The following ARHGAP35 variants were observed in gnomAD, a reference collection of about 807,000 sequenced individuals.
ARHGAP35 encodes rho GTPase-activating protein 35.
A neutral mutation model predicts 111.1 loss-of-function variants in ARHGAP35; 15 were observed. The ratio of observed to expected loss-of-function variants is 0.13; its 90% CI spans 0.09 to 0.21. ARHGAP35 has a LOEUF of 0.21. Among genes scored for constraint, ARHGAP35 ranks in the 10% least tolerant of loss-of-function variants. The probability of loss-of-function intolerance (pLI) is 1.00; values close to 1 mark genes in which losing one functional copy is unlikely to be tolerated. For missense variants in ARHGAP35, 1,262 were observed against 1,873.0 expected (o/e 0.67, Z 6.02); for synonymous variants, 643 against 710.3 (o/e 0.91, Z 1.51).
chr19:46,891,761 TTG>T (rs2056025121), intron 1 of ARHGAP35, among the ~76,000 whole-genome samples: 1 of 152,112 alleles, frequency 6.6e-6, no homozygotes, highest in Non-Finnish European at 1.5e-5. Flanking sequence ...CCTGAATTTT[TTG>T]TGTAAGTCCA....
Position 46,922,189 on chromosome 19 carries a change from C to T in ARHGAP35, c.3514C>T (p.Arg1172Trp), listed in dbSNP as rs376578973. Residue 1172 changes from arginine to tryptophan, a missense_variant, in exon 2 of 7, where the codon CGG becomes TGG. Arg to Trp is a moderately radical substitution (Grantham distance 101). Around this residue, in one of 8 missense-constraint regions of ARHGAP35, gnomAD observed 579 missense variants for 716.9 expected, o/e 0.81. Transcript: ENST00000672722. This position sits in a 1 kb window ranked among gnomAD's most constrained non-coding sequence, Gnocchi z 4.0. The part of the protein sequence containing the change: ...CTRLGRFASY[R>W]TSFSVGSDDE... ...CCGGCTGGGGCGGTTTGCTAGTTAC[C>T]GGACCAGCTTCAGCGTGGGGAGTGA... 8.7e-6 allele frequency: 14 copies of T among 1,613,816 alleles called. No individual in the cohort carries two copies. In the African/African-American group the frequency reaches 9.3e-5, roughly 11 times the overall value.
At chr19:46,959,508 T>TTGTG (rs1381298630) in intron 3 of ARHGAP35, among the ~76,000 whole-genome samples, 1 of 152,000 alleles carries the variant, frequency 6.6e-6, no homozygotes, top group Admixed American at 6.5e-5. Flanking sequence ...CAAGCAATTC[T>TTGTG]CCTCCTTCAG....
At chr19:46,862,016 TC>T (rs1252720185) in intron 1 of ARHGAP35, among the ~76,000 whole-genome samples, 1 of 152,168 alleles carries the variant, frequency 6.6e-6, no homozygotes, top group Non-Finnish European at 1.5e-5. Flanking sequence ...ATTCCCCTGA[TC>T]CCCTCGGACT....
At chr19:46,958,730 C>G (rs1325421172) in intron 3 of ARHGAP35, among the ~76,000 whole-genome samples, 1 of 152,230 alleles carries the variant, frequency 6.6e-6, no homozygotes, top group Non-Finnish European at 1.5e-5. Context: ...CCAGTTCCCA[C>G]TGTTTGAAAC....
At position 46,988,144 on chromosome 19, in the gene ARHGAP35, G is replaced by A. The variant is rs957841678; in HGVS notation, c.3904+78G>A. 1.7e-5 allele frequency: 24 copies of A among 1,386,872 alleles called. No individual in the cohort carries two copies. Among genetic ancestry groups the A allele is most frequent in the Non-Finnish European group, 2.3e-5 (23 of 995,428 alleles). The allele number at this position is 1,386,872 out of a possible 1,614,324, so 85.9% of individuals were successfully genotyped here. A position where few individuals can be genotyped will look rare whatever the true frequency, so the allele number is the denominator to read the frequency against. On this transcript the variant is annotated intron_variant, in intron 4 of 6. Coordinates refer to ENST00000672722, the MANE Select transcript of ARHGAP35 (RefSeq NM_004491.5). This position sits in a 1 kb window ranked among gnomAD's most constrained non-coding sequence, Gnocchi z 5.4. The stretch of plus-strand genomic sequence containing the variant: ...CAGCTGCCTCGGTGAACTGTCTGTG[G>A]GGCTTCGGAGCACTCCTGCCAGCAC...
chr19:46,976,723 G>A (rs1031033474), intron 3 of ARHGAP35, among the ~76,000 whole-genome samples: 14 of 152,236 alleles, frequency 9.2e-5, no homozygotes, highest in African/African-American at 3.4e-4. Context: ...ACAGCAGGCT[G>A]TCCTGTGAGA....
chr19:46,882,164 C>G (rs770879559), intron 1 of ARHGAP35, among the ~76,000 whole-genome samples: 18 of 149,840 alleles, frequency 1.2e-4, no homozygotes, highest in Non-Finnish European at 1.8e-4. Context: ...GACAAGGTTT[C>G]GCTCTGTCAC....
At position 46,863,889 on chromosome 19, in the gene ARHGAP35, T is replaced by G. The variant is rs184796781; in HGVS notation, c.-189+2680T>G. Among the ~76,000 whole-genome samples, 128 of 152,334 alleles carry G rather than the reference T, an allele frequency of 8.4e-4. No homozygotes were observed. The Middle Eastern group carries it at 0.02, about 24-fold the overall frequency. On this transcript the variant is annotated intron_variant, in intron 1 of 6. Transcript: ENST00000672722. ...TTTTCATCTTTGCCCCGGGAAAGGCTCCAGCTTCCTGGTCTTCAAAATGGT... is the reference window on the plus strand; with the variant it reads ...TTTTCATCTTTGCCCCGGGAAAGGCGCCAGCTTCCTGGTCTTCAAAATGGT...
chr19:46,938,692 T>C (rs1188341437), intron 3 of ARHGAP35, among the ~76,000 whole-genome samples: 2 of 148,320 alleles, frequency 1.3e-5, no homozygotes, highest in African/African-American at 5.0e-5. Context: ...GGAGTCTCTC[T>C]CTGTTGCCAA....
Position 47,000,736 on chromosome 19 carries a change from G to C in ARHGAP35, c.*48G>C. On this transcript the variant is annotated 3_prime_UTR_variant, in exon 7 of 7. Coordinates refer to ENST00000672722, the MANE Select transcript of ARHGAP35 (RefSeq NM_004491.5). The surrounding 1 kb of genome is among the most constrained non-coding windows in gnomAD (Gnocchi z 6.9). ...GGAGAACCGGTCCTCTCTCTGACGG[G>C]GTGGCATTTGGCCTTGAACAAAACC... is the stretch of plus-strand genomic sequence containing the variant. 6.6e-7 allele frequency: 1 copy of C among 1,524,840 alleles called. No individual in the cohort carries two copies. The highest frequency in any genetic ancestry group is 2.4e-5 in the East Asian group (1 of 40,954). The allele number at this position is 1,524,840 out of a possible 1,614,324, so 94.5% of individuals were successfully genotyped here.
intron 3 of ARHGAP35, among the ~76,000 whole-genome samples, chr19:46,941,069 A>G (rs550979559): frequency 1.4e-5 from 2 of 147,856 alleles, no homozygotes; most frequent in African/African-American, 2.5e-5. Context: ...TCCCTCTCCC[A>G]CTCCCTTCTT....
intron 1 of ARHGAP35, among the ~76,000 whole-genome samples, 59 bp downstream of exon 1, chr19:46,861,268 G>A (rs2055824726): frequency 6.6e-6 from 1 of 151,216 alleles, no homozygotes. Context: ...CCGCTGCGGG[G>A]TCCAGGGGGA....
In ARHGAP35 at chr19:46,919,714, G is replaced by C; in HGVS notation, c.1039G>C (p.Ala347Pro). The C allele has an allele frequency of 6.2e-7, 1 of 1,614,002 alleles. No individual in the cohort carries two copies. The highest frequency in any genetic ancestry group is 8.5e-7 in the Non-Finnish European group (1 of 1,179,888). Residue 347 changes from alanine to proline, a missense_variant, in exon 2 of 7, where the codon GCT (alanine) becomes CCT (proline). Around this residue, in one of 8 missense-constraint regions of ARHGAP35, gnomAD observed 328 missense variants for 440.8 expected, o/e 0.74. Coordinates refer to ENST00000672722, the MANE Select transcript of ARHGAP35 (RefSeq NM_004491.5). This position sits in a 1 kb window ranked among gnomAD's most constrained non-coding sequence, Gnocchi z 6.2. ...RKLYLAALPL[A>P]FEALIPNLDE... ...GCTGTACCTGGCAGCCCTGCCATTA[G>C]CTTTTGAAGCTCTTATACCTAATCT... is the stretch of plus-strand genomic sequence containing the variant.
At chr19:46,893,321 G>A (rs1324168586) in intron 1 of ARHGAP35, among the ~76,000 whole-genome samples, 1 of 151,956 alleles carries the variant, frequency 6.6e-6, no homozygotes, top group Non-Finnish European at 1.5e-5. Flanking sequence ...AAAACTGTTC[G>A]GGTTGGACTT....
At chr19:46,929,680 G>A (rs1183896602) in intron 2 of ARHGAP35, among the ~76,000 whole-genome samples, 1 of 148,474 alleles carries the variant, frequency 6.7e-6, no homozygotes, top group Non-Finnish European at 1.5e-5. Context: ...TTGGGAGGCC[G>A]AGGTGGGCAG....
At position 46,999,628 on chromosome 19, in the gene ARHGAP35, A is replaced by C; in HGVS notation, c.4142+219A>C. 1.8e-6 allele frequency: 1 copy of C among 555,322 alleles called. No individual in the cohort carries two copies. The highest frequency in any genetic ancestry group is 3.2e-6 in the Non-Finnish European group (1 of 311,444). 34.4% of individuals were successfully genotyped at this position (555,322 alleles called of 1,614,324 possible). A position where few individuals can be genotyped will look rare whatever the true frequency, so the allele number is the denominator to read the frequency against. ...CTCCCTCCTGCTCCTGTCTGAGGGC[A>C]GCCCACGTGGCCTCAAACCTGCCTA... is the stretch of plus-strand genomic sequence containing the variant. On this transcript the variant is annotated intron_variant, in intron 6 of 6. Transcript: ENST00000672722. The surrounding 1 kb of genome is among the most constrained non-coding windows in gnomAD (Gnocchi z 5.4).
rs200440170 is a variant in ARHGAP35 at position 47,000,551 on chromosome 19, G to T, written c.4363G>T (p.Val1455Leu). 6.2e-7 allele frequency: 1 copy of T among 1,612,396 alleles called. No homozygotes were observed. Among genetic ancestry groups the T allele is most frequent in the Admixed American group, 1.7e-5 (1 of 59,906 alleles). The stretch of plus-strand genomic sequence containing the variant: ...CGCCAGGCCCAGCTCCCCCTCTGCC[G>T]TGGCTTCCACCGTCCCCTTCCTCAC... ...PGARPSSPSA[V>L]ASTVPFLTST... Residue 1455 changes from valine (V) to leucine (L), a missense_variant, in exon 7 of 7, where the codon GTG (valine) becomes TTG (leucine). Val to Leu is a conservative substitution (Grantham distance 32). Coordinates refer to ENST00000672722, the MANE Select transcript of ARHGAP35 (RefSeq NM_004491.5). This position sits in a 1 kb window ranked among gnomAD's most constrained non-coding sequence, Gnocchi z 6.9.
chr19:46,904,418 T>C (rs890630172), intron 1 of ARHGAP35, among the ~76,000 whole-genome samples: 2 of 152,248 alleles, frequency 1.3e-5, no homozygotes, highest in Non-Finnish European at 2.9e-5. Context: ...TTATCTGCCC[T>C]GTTCCTTTGG....
chr19:46,987,937 C>T, intron 3 of ARHGAP35, 52 bp from the exon 4 acceptor site: 2 of 1,578,786 alleles, frequency 1.3e-6, no homozygotes, highest in South Asian at 2.3e-5. Flanking sequence ...CAGCCCTCCT[C>T]ATTCTCTGCT....
Sources: allele counts gnomAD v4.1 joint callset (sites outside exome capture counted in the v4.1 genomes callset), GRCh38; gene constraint gnomAD v4.1.1; regional missense constraint gnomAD v4.1.1; non-coding constraint Gnocchi (gnomAD v3.1); transcripts MANE v1.5; gene names NCBI Gene and HGNC (gene_info 2026-07-23, HGNC 2026-07-21).